Variants in RBFOX2 observed in about 807,000 individuals in gnomAD.
RBFOX2 encodes RNA binding protein fox-1 homolog 2.
Under a neutral mutation model 49.1 loss-of-function variants are expected in RBFOX2, and 10 were observed. The ratio of observed to expected loss-of-function variants is 0.20; its 90% CI spans 0.13 to 0.35. RBFOX2 has a LOEUF of 0.35. RBFOX2 is among the 10% of genes least tolerant of loss of function. The probability of loss-of-function intolerance (pLI) is 1.00; values close to 1 mark genes in which losing one functional copy is unlikely to be tolerated. For synonymous variants in RBFOX2, 183 were observed against 187.4 expected (o/e 0.98, Z 0.19); for missense variants, 323 against 486.9 (o/e 0.66, Z 3.17).
chr22:35,742,274 G>A (rs1282652315), exon 12 of RBFOX2: 1 of 152,338 alleles, frequency 6.6e-6, no homozygotes. Flanking sequence ...CCTTGACATC[G>A]CCCCTAGTTT....
intron 1 of RBFOX2, among the ~76,000 whole-genome samples, chr22:36,025,512 T>G (rs1413431344): frequency 6.6e-6 from 1 of 152,244 alleles, no homozygotes; most frequent in Non-Finnish European, 1.5e-5. Flanking sequence ...TTTGTTGTTG[T>G]TGTTCACTAT....
chr22:35,821,302 T>A (rs980991226), intron 1 of RBFOX2, among the ~76,000 whole-genome samples: 2 of 152,066 alleles, frequency 1.3e-5, no homozygotes, highest in Non-Finnish European at 2.9e-5. Context: ...AGCTTATGAT[T>A]AAAAGCAGCA....
chr22:35,798,039 G>A (rs1487211151), intron 2 of RBFOX2, among the ~76,000 whole-genome samples: 4 of 152,246 alleles, frequency 2.6e-5, no homozygotes, highest in African/African-American at 4.8e-5. Flanking sequence ...ACAATGGCAC[G>A]ATTTTGACTC....
At chr22:35,988,769 T>C (rs971923601) in intron 1 of RBFOX2, among the ~76,000 whole-genome samples, 1 of 152,168 alleles carries the variant, frequency 6.6e-6, no homozygotes, top group Non-Finnish European at 1.5e-5. Context: ...TGCAACGCAA[T>C]GATGTGGGAT....
At chr22:35,919,859 C>T (rs748049951) in intron 1 of RBFOX2, among the ~76,000 whole-genome samples, 10 of 152,224 alleles carry the variant, frequency 6.6e-5, no homozygotes, top group Non-Finnish European at 1.0e-4. Context: ...ATCCTCTGCT[C>T]ACTGCACTAT....
chr22:35,917,909 C>A (rs1378872290), intron 1 of RBFOX2, among the ~76,000 whole-genome samples: 3 of 152,202 alleles, frequency 2.0e-5, no homozygotes, highest in African/African-American at 7.2e-5. Context: ...GAAAAAAGCA[C>A]TCCACTGAGA....
chr22:35,752,600 C>T, intron 9 of RBFOX2: 2 of 978,542 alleles, frequency 2.0e-6, no homozygotes, highest in Non-Finnish European at 2.4e-6. Flanking sequence ...GCAGGTCACA[C>T]TGGCACTCCT....
At chr22:35,978,919 T>C (rs919700961) in intron 1 of RBFOX2, among the ~76,000 whole-genome samples, 4 of 152,124 alleles carry the variant, frequency 2.6e-5, no homozygotes, top group Admixed American at 6.5e-5. Context: ...TATATATCTG[T>C]TGAGGAACAG....
At chr22:36,018,893 C>T (rs8137881) in intron 1 of RBFOX2, among the ~76,000 whole-genome samples, 173 of 152,288 alleles carry the variant, frequency 1.1e-3, no homozygotes, top group Middle Eastern at 6.8e-3. Flanking sequence ...GGATTACAGG[C>T]ATGAGCCACC....
At chr22:35,980,470 C>A (rs1318104793) in intron 1 of RBFOX2, among the ~76,000 whole-genome samples, 2 of 152,150 alleles carry the variant, frequency 1.3e-5, no homozygotes, top group African/African-American at 4.8e-5. Context: ...CTACTCAAAG[C>A]AAAGGAGTAA....
chr22:35,888,157 C>T (rs1026519878), intron 1 of RBFOX2, among the ~76,000 whole-genome samples: 5 of 152,152 alleles, frequency 3.3e-5, no homozygotes, highest in South Asian at 2.1e-4. Context: ...CAGAAGATTG[C>T]TGGATAAAAC....
At chr22:35,839,735 T>C (rs1048676094) in intron 1 of RBFOX2, among the ~76,000 whole-genome samples, 2 of 152,198 alleles carry the variant, frequency 1.3e-5, no homozygotes, top group Non-Finnish European at 2.9e-5. Flanking sequence ...AAAACTACAA[T>C]TCCATAGCCA....
chr22:35,886,100 C>A (rs2046543433), intron 1 of RBFOX2, among the ~76,000 whole-genome samples: 1 of 151,990 alleles, frequency 6.6e-6, no homozygotes, highest in Admixed American at 6.6e-5. Flanking sequence ...TCGTGATCCG[C>A]CCACCTCAGC....
At chr22:36,028,511 GGCGGGCGCGC>G (rs2059538460) in exon 1 of RBFOX2, 3 of 1,030,558 alleles carry the variant, frequency 2.9e-6, no homozygotes, top group Non-Finnish European at 3.5e-6. Flanking sequence ...TGTCGCGACA[GGCGGGCGCGC>G]GCCTGCCCCC....
chr22:35,970,728 T>C (rs181771274), intron 1 of RBFOX2, among the ~76,000 whole-genome samples: 53 of 152,292 alleles, frequency 3.5e-4, no homozygotes, highest in South Asian at 1.5e-3. Context: ...ACACAAAGTA[T>C]GAAGAGGTCA....
chr22:36,010,973 T>C (rs2058800710), intron 1 of RBFOX2, among the ~76,000 whole-genome samples: 1 of 152,026 alleles, frequency 6.6e-6, no homozygotes, highest in Non-Finnish European at 1.5e-5. Flanking sequence ...AACCTTCCTT[T>C]CTCACAATTC....
intron 1 of RBFOX2, among the ~76,000 whole-genome samples, chr22:35,920,682 T>C (rs1044746326): frequency 6.6e-6 from 1 of 152,188 alleles, no homozygotes; most frequent in Non-Finnish European, 1.5e-5. Context: ...AGACGGACTT[T>C]AGCAAGAATT....
At chr22:35,920,524 C>T (rs965649253) in intron 1 of RBFOX2, among the ~76,000 whole-genome samples, 10 of 152,248 alleles carry the variant, frequency 6.6e-5, no homozygotes, top group Middle Eastern at 3.4e-3. Context: ...TTTAGTATTG[C>T]CTTTCCAGTT....
exon 1 of RBFOX2, among the ~76,000 whole-genome samples, chr22:36,028,769 C>A (rs1310188944): frequency 1.3e-5 from 2 of 151,928 alleles, no homozygotes; most frequent in Non-Finnish European, 2.9e-5. Flanking sequence ...CCACCGGCCG[C>A]GCTGGCTCAC....
Sources: gnomAD v4.1 joint callset for allele counts (sites outside exome capture counted in the v4.1 genomes callset) on GRCh38, gnomAD v4.1.1 for gene constraint, MANE v1.5 for transcripts, NCBI Gene and HGNC (gene_info 2026-07-23, HGNC 2026-07-21) for gene names.